Variants in ZCCHC24 observed in about 807,000 individuals in gnomAD.
ZCCHC24 encodes zinc finger CCHC domain-containing protein 24.
A neutral mutation model predicts 26.2 loss-of-function variants in ZCCHC24; 10 were observed. The ratio of observed to expected loss-of-function variants is 0.38; its 90% confidence interval spans 0.24 to 0.65. The LOEUF (loss-of-function observed/expected upper bound fraction) is 0.65, where lower values mean the gene tolerates loss of function less well. Ranked by LOEUF, ZCCHC24 falls within the 30% of genes least tolerant of loss-of-function variation. The pLI is 0.54. For synonymous variants in ZCCHC24, 144 were observed against 147.1 expected (o/e 0.98, Z 0.15); for missense variants, 243 against 329.1 (o/e 0.74, Z 2.03).
At chr10:79,428,551 C>T (rs1343173714) in intron 2 of ZCCHC24, among the ~76,000 whole-genome samples, 1 of 151,778 alleles carries the variant, frequency 6.6e-6, no homozygotes, top group Non-Finnish European at 1.5e-5. Flanking sequence ...GTATTTAATG[C>T]CACGAACCGT....
chr10:79,401,754 C>T (rs996693273), intron 2 of ZCCHC24, among the ~76,000 whole-genome samples: 2 of 152,216 alleles, frequency 1.3e-5, no homozygotes, highest in African/African-American at 2.4e-5. Context: ...ACTCACGCTC[C>T]GCCCTCCCAT....
At chr10:79,408,005 G>A (rs1856742053) in intron 2 of ZCCHC24, among the ~76,000 whole-genome samples, 1 of 152,226 alleles carries the variant, frequency 6.6e-6, no homozygotes, top group South Asian at 2.1e-4. Context: ...CATGGAGCAG[G>A]AGGCCGGGCT....
At position 79,403,638 on chromosome 10, in the gene ZCCHC24, G is replaced by A. The variant is rs548006074; in HGVS notation, c.448-9198C>T. ...GAGCCTCAAGGGCCTCCTTGTCTGC[G>A]CACAGCCGTCCTCGCCTCCTTGCCC... On this transcript the variant is annotated intron_variant, in intron 2 of 3. Coordinates refer to ENST00000372336, the MANE Select transcript of ZCCHC24 (RefSeq NM_153367.4). 4.7e-5 allele frequency: 46 copies of A among 976,538 alleles called. No homozygotes were observed. The East Asian group carries it at 1.4e-3, about 29-fold the overall frequency. 60.5% of individuals were successfully genotyped at this position (976,538 alleles called of 1,614,324 possible). A position where few individuals can be genotyped will look rare whatever the true frequency, so the allele number is the denominator to read the frequency against.
chr10:79,430,191 G>A (rs147733111), intron 2 of ZCCHC24, among the ~76,000 whole-genome samples: 107 of 152,266 alleles, frequency 7.0e-4, no homozygotes, highest in African/African-American at 2.5e-3. Context: ...CTGGGTGTCA[G>A]TGCTCTCCTT....
At chr10:79,413,969 C>T (rs1856829693) in intron 2 of ZCCHC24, among the ~76,000 whole-genome samples, 1 of 152,246 alleles carries the variant, frequency 6.6e-6, no homozygotes, top group Admixed American at 6.5e-5. Context: ...GTGCCCCTCA[C>T]ACTTGCTCCA....
At chr10:79,394,646 AGAG>A in intron 2 of ZCCHC24, 1 of 985,366 alleles carries the variant, frequency 1.0e-6, no homozygotes, top group Non-Finnish European at 1.2e-6. Context: ...AACAGAAAAC[AGAG>A]GAGATGGTGA....
rs1195166644 is a variant in ZCCHC24 at position 79,394,306 on chromosome 10, C to A, written c.582G>T (p.Lys194Asn). The change falls in exon 3 of 4, where the codon AAG becomes AAT. Residue 194 changes from lysine to asparagine, a missense_variant. Coordinates refer to ENST00000372336, the MANE Select transcript of ZCCHC24 (RefSeq NM_153367.4). ...TGTGTGGATACACGTTGATGTGGCA[C>A]TTGATGCACTCCTGCCCCATGTTGG... ...SWANMGQECIKCHINVYPHKQ... is the reference protein window; with the variant it reads ...SWANMGQECINCHINVYPHKQ... 6.2e-7 allele frequency: 1 copy of A among 1,614,182 alleles called. No individual in the cohort carries two copies.
chr10:79,382,503 T>C lies in ZCCHC24; in HGVS notation c.*3842A>G, dbSNP rs1193200072. 1 of 152,828 alleles carries C rather than the reference T, an allele frequency of 6.5e-6. No homozygotes were observed. The highest frequency in any genetic ancestry group is 1.5e-5 in the Non-Finnish European group (1 of 68,096). 9.5% of individuals were successfully genotyped at this position (152,828 alleles called of 1,614,324 possible). On this transcript the variant is annotated 3_prime_UTR_variant, in exon 4 of 4. Coordinates refer to ENST00000372336, the MANE Select transcript of ZCCHC24 (RefSeq NM_153367.4). Reference sequence around the variant, plus strand: ...AGCTGGGCCCACGGGTTCTGTTTTGTCTTTTTAGCTGGACTCACACGTATG... The same window carrying C: ...AGCTGGGCCCACGGGTTCTGTTTTGCCTTTTTAGCTGGACTCACACGTATG...
chr10:79,425,207 C>T (rs4980077), intron 2 of ZCCHC24, among the ~76,000 whole-genome samples: 146,026 of 152,304 alleles, frequency 0.96, 70,027 homozygotes, highest in East Asian at 1. Context: ...GACCCATCAG[C>T]GTGCAGAGGC....
chr10:79,440,445 A>G (rs1368122060), intron 1 of ZCCHC24, among the ~76,000 whole-genome samples: 1 of 152,212 alleles, frequency 6.6e-6, no homozygotes, highest in Non-Finnish European at 1.5e-5. Context: ...GACCAGGGAC[A>G]AAATGTCGGA....
At position 79,430,686 on chromosome 10, in the gene ZCCHC24, C is replaced by A. The variant is rs144267756; in HGVS notation, c.447+1872G>T. 9.2e-5 allele frequency among the ~76,000 whole-genome samples: 13 copies of A among 140,700 alleles called. 1 individual carries two copies. The South Asian group carries it at 1.4e-3, about 16-fold the overall frequency. 92.3% of individuals were successfully genotyped at this position (140,700 alleles called of 152,430 possible). A position where few individuals can be genotyped will look rare whatever the true frequency, so the allele number is the denominator to read the frequency against. On this transcript the variant is annotated intron_variant, in intron 2 of 3. Transcript: ENST00000372336. Reference sequence around the variant, plus strand: ...GTGCACATACACTCACACACACACACCACACACACACACACACACACACAC... The same window carrying A: ...GTGCACATACACTCACACACACACAACACACACACACACACACACACACAC...
chr10:79,384,993 C>T lies in ZCCHC24; in HGVS notation c.*1352G>A, dbSNP rs1252982291. On this transcript the variant is annotated 3_prime_UTR_variant, in exon 4 of 4. Coordinates refer to ENST00000372336, the MANE Select transcript of ZCCHC24 (RefSeq NM_153367.4). ...GTGGGCTCCCTGGCCACGGACGTGCCACGAGGCCTCTCTGCTCCCTTGGGA... is the reference window on the plus strand; with the variant it reads ...GTGGGCTCCCTGGCCACGGACGTGCTACGAGGCCTCTCTGCTCCCTTGGGA... 1.3e-5 allele frequency: 2 copies of T among 152,264 alleles called. No homozygotes were observed. The highest frequency in any genetic ancestry group is 2.9e-5 in the Non-Finnish European group (2 of 68,052). 9.4% of individuals were successfully genotyped at this position (152,264 alleles called of 1,614,324 possible).
chr10:79,416,899 A>T (rs976407111), intron 2 of ZCCHC24, among the ~76,000 whole-genome samples: 1 of 152,120 alleles, frequency 6.6e-6, no homozygotes, highest in African/African-American at 2.4e-5. Flanking sequence ...GAACACAGTG[A>T]GCGCTCCCTG....
intron 2 of ZCCHC24, among the ~76,000 whole-genome samples, chr10:79,412,661 T>A (rs1856807925): frequency 6.6e-6 from 1 of 152,204 alleles, no homozygotes; most frequent in Non-Finnish European, 1.5e-5. Flanking sequence ...ATGGCCACCA[T>A]CCATCATGTG....
intron 3 of ZCCHC24, among the ~76,000 whole-genome samples, chr10:79,391,720 C>T (rs540031707): frequency 6.6e-6 from 1 of 152,076 alleles, no homozygotes; most frequent in South Asian, 2.1e-4. Context: ...CCTCCGGGCC[C>T]CCGGTCTACT....
At chr10:79,418,828 G>T (rs1452743462) in intron 2 of ZCCHC24, among the ~76,000 whole-genome samples, 2 of 152,214 alleles carry the variant, frequency 1.3e-5, no homozygotes, top group African/African-American at 2.4e-5. Context: ...GGGAAGGGGT[G>T]CTGTCCTGAC....
intron 1 of ZCCHC24, among the ~76,000 whole-genome samples, chr10:79,441,693 G>C (rs1377170334): frequency 6.9e-6 from 1 of 144,608 alleles, no homozygotes; most frequent in Non-Finnish European, 1.5e-5. Flanking sequence ...GGAAAGGAAG[G>C]ACACTGTGTC....
At chr10:79,429,438 C>T (rs555623349) in intron 2 of ZCCHC24, among the ~76,000 whole-genome samples, 7 of 152,102 alleles carry the variant, frequency 4.6e-5, no homozygotes, top group South Asian at 4.2e-4. Flanking sequence ...AAAAATTAGC[C>T]GGGCATGATG....
In ZCCHC24 at chr10:79,386,246, C is replaced by T; in HGVS notation, c.*99G>A. The T allele has an allele frequency of 8.6e-7, 1 of 1,165,780 alleles. No individual in the cohort carries two copies. The highest frequency in any genetic ancestry group is 1.3e-5 in the South Asian group (1 of 76,440). 72.2% of individuals were successfully genotyped at this position (1,165,780 alleles called of 1,614,324 possible). On this transcript the variant is annotated 3_prime_UTR_variant, in exon 4 of 4. Transcript: ENST00000372336. Reference sequence around the variant, plus strand: ...CAGCCCCGCAGGCCTGCGAGGGCACCCCATGCACAGGGCGACACGCAGCCC... The same window carrying T: ...CAGCCCCGCAGGCCTGCGAGGGCACTCCATGCACAGGGCGACACGCAGCCC...
Sources: allele counts gnomAD v4.1 joint callset (sites outside exome capture counted in the v4.1 genomes callset), GRCh38; gene constraint gnomAD v4.1.1; transcripts MANE v1.5; gene names NCBI Gene and HGNC (gene_info 2026-07-23, HGNC 2026-07-21).